Variants in STX8 observed in about 807,000 individuals in gnomAD.
STX8 encodes syntaxin-8.
STX8 carries 23 observed loss-of-function variants against 37.5 expected under a neutral mutation model. That is an observed-to-expected ratio of 0.61 (90% CI 0.44 to 0.87). The LOEUF is 0.87. Among genes scored for constraint, STX8 ranks in the 40% least tolerant of loss-of-function variants. The pLI is 0.00. For synonymous variants in STX8, 115 were observed against 99.1 expected (o/e 1.16, Z -0.95); for missense variants, 313 against 284.7 (o/e 1.10, Z -0.71).
At chr17:9,418,138 G>A (rs1913265002) in intron 6 of STX8, among the ~76,000 whole-genome samples, 1 of 152,194 alleles carries the variant, frequency 6.6e-6, no homozygotes, top group Non-Finnish European at 1.5e-5. Context: ...AGCCTTGTGA[G>A]ACGGAGCCCT....
chr17:9,541,359 T>C (rs1906268726), intron 4 of STX8, among the ~76,000 whole-genome samples: 1 of 152,106 alleles, frequency 6.6e-6, no homozygotes, highest in African/African-American at 2.4e-5. Flanking sequence ...ACAGACCACG[T>C]CCTTCTAGAG....
chr17:9,443,085 A>G (rs1462221065), intron 6 of STX8, among the ~76,000 whole-genome samples: 2 of 152,212 alleles, frequency 1.3e-5, no homozygotes, highest in African/African-American at 4.8e-5. Flanking sequence ...TGTTTGGAAG[A>G]TACTAGTCAT....
intron 7 of STX8, among the ~76,000 whole-genome samples, chr17:9,370,885 G>C (rs1393837188): frequency 6.6e-6 from 1 of 150,988 alleles, no homozygotes; most frequent in Non-Finnish European, 1.5e-5. Flanking sequence ...AGAGGTACCA[G>C]TGGAAAAATA....
At position 9,262,592 on chromosome 17, in the gene STX8, GTT is replaced by G. The variant is rs60869466; in HGVS notation, c.644-11949_644-11948del. 7.6e-3 allele frequency among the ~76,000 whole-genome samples: 1,148 copies of G among 150,778 alleles called. 14 individuals are homozygous for G. The highest frequency in any genetic ancestry group is 0.027 in the African/African-American group (1,100 of 41,050). On this transcript the variant is annotated intron_variant, in intron 7 of 7. Coordinates refer to ENST00000306357, the MANE Select transcript of STX8 (RefSeq NM_004853.3). Reference sequence around the variant, plus strand: ...TTTTTTTGTTTTGTTTTGTTTTTTTGTTTTTTTTGAGACAGAGTCTTGCTCTG... The same window carrying G: ...TTTTTTTGTTTTGTTTTGTTTTTTTGTTTTTTGAGACAGAGTCTTGCTCTG...
chr17:9,485,908 C>T (rs1478960675), intron 6 of STX8, among the ~76,000 whole-genome samples: 3 of 151,904 alleles, frequency 2.0e-5, no homozygotes, highest in Non-Finnish European at 4.4e-5. Flanking sequence ...CTAAATCTGA[C>T]CAGTAGGAGT....
rs1371519123 is a variant in STX8 at position 9,507,846 on chromosome 17, A to G, written c.324-2684T>C. 6.6e-6 allele frequency among the ~76,000 whole-genome samples: 1 copy of G among 152,040 alleles called. No individual in the cohort carries two copies. ...TTACAGTTAAAGAAACTACACAAAAACTACACTACTATGCCCACCTGGAAC... is the reference window on the plus strand; with the variant it reads ...TTACAGTTAAAGAAACTACACAAAAGCTACACTACTATGCCCACCTGGAAC... On this transcript the variant is annotated intron_variant, in intron 4 of 7. Transcript: ENST00000306357. This position sits in a 1 kb window ranked among gnomAD's most constrained non-coding sequence, Gnocchi z 4.0.
rs1009785170 is a variant in STX8 at position 9,341,479 on chromosome 17, C to G, written c.643+37073G>C. 1.3e-4 allele frequency among the ~76,000 whole-genome samples: 20 copies of G among 152,264 alleles called. 1 individual carries two copies. The highest frequency in any genetic ancestry group is 4.8e-4 in the African/African-American group (20 of 41,552). On this transcript the variant is annotated intron_variant, in intron 7 of 7. Transcript: ENST00000306357. ...TTGAGACAGAGTCTTGCTCTGTTGCCAGGCTAGAGTGCAATGGCGTGATCT... is the reference window on the plus strand; with the variant it reads ...TTGAGACAGAGTCTTGCTCTGTTGCGAGGCTAGAGTGCAATGGCGTGATCT...
intron 6 of STX8, among the ~76,000 whole-genome samples, chr17:9,398,503 G>A (rs1444936543): frequency 2.0e-5 from 3 of 152,128 alleles, no homozygotes; most frequent in African/African-American, 4.8e-5. Context: ...ATATAATGCC[G>A]TATCCTAGAA....
chr17:9,313,312 C>G lies in STX8; in HGVS notation c.644-62667G>C, dbSNP rs116261836. Among the ~76,000 whole-genome samples, 479 of 152,200 alleles carry G rather than the reference C, an allele frequency of 3.1e-3. 6 individuals carry two copies. The highest frequency in any genetic ancestry group is 0.011 in the African/African-American group (445 of 41,538). ...AGTGAGGGGTTTTCGTTGAAGATGTCGACATCCACTGCAGCCGGTTTAGCA... is the reference window on the plus strand; with the variant it reads ...AGTGAGGGGTTTTCGTTGAAGATGTGGACATCCACTGCAGCCGGTTTAGCA... On this transcript the variant is annotated intron_variant, in intron 7 of 7. Transcript: ENST00000306357.
chr17:9,310,348 C>T (rs371814831), intron 7 of STX8, among the ~76,000 whole-genome samples: 2 of 152,160 alleles, frequency 1.3e-5, no homozygotes, highest in African/African-American at 2.4e-5. Flanking sequence ...CTTGGAAATA[C>T]GCGAGGAATT....
At chr17:9,457,038 C>T (rs1254197109) in intron 6 of STX8, among the ~76,000 whole-genome samples, 1 of 152,178 alleles carries the variant, frequency 6.6e-6, no homozygotes, top group Non-Finnish European at 1.5e-5. Context: ...GATTAAACAT[C>T]ACAGAAATGT....
chr17:9,296,641 AAAAC>A (rs890156939), intron 7 of STX8, among the ~76,000 whole-genome samples: 2 of 150,796 alleles, frequency 1.3e-5, no homozygotes, highest in African/African-American at 4.9e-5. Flanking sequence ...AAAAAAAAAA[AAAAC>A]AAACCAAGGG....
chr17:9,295,541 G>A (rs1908484475), intron 7 of STX8, among the ~76,000 whole-genome samples: 1 of 152,076 alleles, frequency 6.6e-6, no homozygotes, highest in South Asian at 2.1e-4. Flanking sequence ...TCAGGAGTTC[G>A]AGACCAGCCT....
intron 6 of STX8, among the ~76,000 whole-genome samples, chr17:9,399,079 A>G (rs2142315258): frequency 6.6e-6 from 1 of 152,006 alleles, no homozygotes; most frequent in African/African-American, 2.4e-5. Flanking sequence ...ACAGTAATCA[A>G]GACAGTACAG....
At chr17:9,542,245 C>T (rs529619164) in intron 4 of STX8, among the ~76,000 whole-genome samples, 2 of 152,180 alleles carry the variant, frequency 1.3e-5, no homozygotes, top group Non-Finnish European at 2.9e-5. Flanking sequence ...GTGATCCCAG[C>T]TACTCGGGAG....
chr17:9,424,895 A>C (rs1913569748), intron 6 of STX8, among the ~76,000 whole-genome samples: 1 of 152,206 alleles, frequency 6.6e-6, no homozygotes, highest in South Asian at 2.1e-4. Context: ...GAGAAAAAAC[A>C]AATTCAGAAA....
chr17:9,443,392 C>G (rs1413272964), intron 6 of STX8, among the ~76,000 whole-genome samples: 1 of 152,226 alleles, frequency 6.6e-6, no homozygotes, highest in Non-Finnish European at 1.5e-5. Context: ...AGATAGACCA[C>G]ACACAGTCCG....
At chr17:9,276,294 C>T (rs929654995) in intron 7 of STX8, among the ~76,000 whole-genome samples, 6 of 152,110 alleles carry the variant, frequency 3.9e-5, no homozygotes, top group East Asian at 1.9e-4. Flanking sequence ...TGGTTCCTAA[C>T]GAAGGGAACA....
At chr17:9,351,007 C>A (rs16958189) in intron 7 of STX8, among the ~76,000 whole-genome samples, 4,685 of 152,172 alleles carry the variant, frequency 0.031, 144 homozygotes, top group African/African-American at 0.081. Flanking sequence ...ATCGTCTATA[C>A]TTTCCATCTT....
Sources: gnomAD v4.1 joint callset for allele counts (sites outside exome capture counted in the v4.1 genomes callset) on GRCh38, gnomAD v4.1.1 for gene constraint, Gnocchi (gnomAD v3.1) non-coding constraint, MANE v1.5 for transcripts, NCBI Gene and HGNC (gene_info 2026-07-23, HGNC 2026-07-21) for gene names.